Variants in ACTR3C observed in about 807,000 individuals in gnomAD.
ACTR3C encodes the protein actin-related protein 3C.
A neutral mutation model predicts 26.3 loss-of-function variants in ACTR3C; 18 were observed. The observed-to-expected ratio is 0.68, with a 90% CI of 0.47 to 1.01. The LOEUF is 1.01. ACTR3C is among the 50% of genes least tolerant of loss of function. ACTR3C has a pLI of 0.00. For synonymous variants in ACTR3C, 55 were observed against 94.5 expected (o/e 0.58, Z 2.42); for missense variants, 184 against 250.7 (o/e 0.73, Z 1.80).
the ACTR3C span, among the ~76,000 whole-genome samples, chr7:149,937,490 G>T: frequency 6.6e-6 from 1 of 152,070 alleles, no homozygotes; most frequent in Non-Finnish European, 1.5e-5. Context: ...CTTTACTGCT[G>T]AAAATCCACC....
At chr7:150,076,422 G>C in the ACTR3C span, 2 of 152,162 alleles carry the variant, frequency 1.3e-5, no homozygotes, top group East Asian at 3.9e-4. Context: ...GAATCAGGCT[G>C]CTAATTTGTG....
At chr7:150,048,128 T>A in the ACTR3C span, among the ~76,000 whole-genome samples, 34 of 151,960 alleles carry the variant, frequency 2.2e-4, no homozygotes, top group African/African-American at 7.2e-4. Context: ...GTTTTTATAA[T>A]TTTTTTCCCC....
At chr7:150,135,004 TG>T in the ACTR3C span, among the ~76,000 whole-genome samples, 1 of 152,188 alleles carries the variant, frequency 6.6e-6, no homozygotes, top group Non-Finnish European at 1.5e-5. Flanking sequence ...ATGATGGAAA[TG>T]GTGCATGGGA....
chr7:150,323,444 C>G, intron 1 of ACTR3C, 25 bp downstream of exon 1: 1 of 348,776 alleles, frequency 2.9e-6, no homozygotes, highest in South Asian at 2.1e-5. Context: ...CGCCAGGCGG[C>G]GGGCGGCGGG....
the ACTR3C span, among the ~76,000 whole-genome samples, chr7:149,974,840 T>C: frequency 1.3e-5 from 2 of 151,922 alleles, no homozygotes; most frequent in Non-Finnish European, 1.5e-5. Context: ...TTTTCAGTAA[T>C]TACTATAATT....
chr7:150,075,775 A>G, the ACTR3C span, among the ~76,000 whole-genome samples: 1 of 152,176 alleles, frequency 6.6e-6, no homozygotes, highest in Non-Finnish European at 1.5e-5. Context: ...CATGCCACAT[A>G]AATGAAAGGT....
At chr7:150,231,841 C>T in the ACTR3C span, among the ~76,000 whole-genome samples, 1 of 151,818 alleles carries the variant, frequency 6.6e-6, no homozygotes, top group East Asian at 1.9e-4. Context: ...ATATGTTATG[C>T]TGTTTGTAGG....
chr7:149,907,496 C>CTCTCTCTT, the ACTR3C span, among the ~76,000 whole-genome samples: 5 of 150,870 alleles, frequency 3.3e-5, no homozygotes, highest in Non-Finnish European at 5.9e-5. Context: ...CTCTCTCTCT[C>CTCTCTCTT]TCTCTCTCTC....
At chr7:150,133,070 G>C in the ACTR3C span, among the ~76,000 whole-genome samples, 1 of 151,996 alleles carries the variant, frequency 6.6e-6, no homozygotes, top group East Asian at 1.9e-4. Context: ...CTCATTAATA[G>C]TTTGTGAAAG....
the ACTR3C span, among the ~76,000 whole-genome samples, chr7:149,983,429 T>TTGTATGTATG: frequency 1.3e-3 from 20 of 15,624 alleles, 2 homozygotes; most frequent in African/African-American, 2.3e-3. Flanking sequence ...GGTGTGTGTG[T>TTGTATGTATG]TGTGTGTATG....
At chr7:150,199,808 T>C in the ACTR3C span, among the ~76,000 whole-genome samples, 2 of 148,948 alleles carry the variant, frequency 1.3e-5, no homozygotes, top group African/African-American at 4.9e-5. Context: ...ATTAGCTTGA[T>C]TGCTATTATT....
At chr7:150,124,890 T>C in the ACTR3C span, among the ~76,000 whole-genome samples, 1 of 152,220 alleles carries the variant, frequency 6.6e-6, no homozygotes, top group Non-Finnish European at 1.5e-5. Flanking sequence ...ATAATAACCA[T>C]GTGAAATAAA....
the ACTR3C span, among the ~76,000 whole-genome samples, chr7:149,892,710 G>A: frequency 8.4e-6 from 1 of 119,010 alleles, no homozygotes; most frequent in Non-Finnish European, 1.9e-5. Context: ...TAAGTGAAAT[G>A]CCTATACATC....
chr7:150,300,746 T>C (rs1246017358), intron 1 of ACTR3C, among the ~76,000 whole-genome samples: 1 of 150,842 alleles, frequency 6.6e-6, no homozygotes, highest in East Asian at 1.9e-4. Context: ...AATGAAGTCA[T>C]ACTCAAACAC....
At chr7:150,262,976 C>T (rs1021238254) in intron 6 of ACTR3C, among the ~76,000 whole-genome samples, 13 of 152,338 alleles carry the variant, frequency 8.5e-5, no homozygotes, top group African/African-American at 3.1e-4. Context: ...GCTAAAGCAG[C>T]AAAGACGTTC....
chr7:149,891,566 C>G, the ACTR3C span: 842 of 216,820 alleles, frequency 3.9e-3, 10 homozygotes, highest in African/African-American at 0.019. Flanking sequence ...TGGCTCACGC[C>G]TCTAATCCAA....
intron 3 of ACTR3C, 42 bp downstream of exon 3, chr7:150,293,270 T>C: frequency 2.0e-6 from 3 of 1,531,322 alleles, no homozygotes; most frequent in Non-Finnish European, 2.6e-6. Flanking sequence ...TCGAATCAGG[T>C]GTTAAGCCTA....
the ACTR3C span, among the ~76,000 whole-genome samples, chr7:150,058,642 C>T: frequency 2.6e-5 from 4 of 152,202 alleles, no homozygotes; most frequent in East Asian, 1.9e-4. Flanking sequence ...AGAGGCCAGG[C>T]GCCGTGGCTC....
At chr7:149,900,989 C>T in the ACTR3C span, among the ~76,000 whole-genome samples, 1 of 152,204 alleles carries the variant, frequency 6.6e-6, no homozygotes, top group African/African-American at 2.4e-5. Flanking sequence ...GCCGACATCA[C>T]ACCACTGCAC....
Sources: gnomAD v4.1 joint callset for allele counts (sites outside exome capture counted in the v4.1 genomes callset) on GRCh38, gnomAD v4.1.1 for gene constraint, MANE v1.5 for transcripts, NCBI Gene and HGNC (gene_info 2026-07-23, HGNC 2026-07-21) for gene names.